The following LRRC37A2 variants were observed in gnomAD, a reference collection of about 807,000 sequenced individuals.
The protein encoded by LRRC37A2 is leucine-rich repeat-containing protein 37A2.
LRRC37A2 carries 9 observed loss-of-function variants against 68.8 expected under a neutral mutation model. The ratio of observed to expected loss-of-function variants is 0.13; its 90% CI spans 0.08 to 0.23. LRRC37A2 has a LOEUF of 0.23. Among genes scored for constraint, LRRC37A2 ranks in the 10% least tolerant of loss-of-function variants. LRRC37A2 has a pLI of 1.00. For synonymous variants in LRRC37A2, 63 were observed against 367.6 expected, an observed-to-expected ratio of 0.17 and a Z score of 9.48; for missense variants, 168 against 950.4, an observed-to-expected ratio of 0.18 and a Z score of 10.82.
chr17:46,884,914 G>C, the LRRC37A2 span: 1 of 344,914 alleles, frequency 2.9e-6, no homozygotes. Context: ...AATATCTCCA[G>C]TGAAATTTGT....
the LRRC37A2 span, chr17:46,932,457 G>T: frequency 1.3e-5 from 8 of 599,494 alleles, no homozygotes; most frequent in Non-Finnish European, 2.1e-5. Context: ...ACCTGGTTGG[G>T]CTGGTCTGAG....
the LRRC37A2 span, among the ~76,000 whole-genome samples, chr17:46,854,261 T>A: frequency 1.5e-3 from 223 of 152,344 alleles, no homozygotes; most frequent in African/African-American, 5.2e-3. Flanking sequence ...ATTCGCTGTC[T>A]GGGAGGAATC....
the LRRC37A2 span, chr17:46,940,393 G>A: frequency 1.3e-6 from 2 of 1,553,760 alleles, no homozygotes; most frequent in Non-Finnish European, 1.7e-6. Flanking sequence ...GGACTGGGGG[G>A]TTGCAGCATC....
the LRRC37A2 span, chr17:46,872,668 A>G: frequency 6.2e-7 from 1 of 1,613,408 alleles, no homozygotes; most frequent in Non-Finnish European, 8.5e-7. Flanking sequence ...CCTGGCTGAG[A>G]CCCTGAGGGA....
the LRRC37A2 span, among the ~76,000 whole-genome samples, chr17:46,926,222 CA>C: frequency 1.1e-4 from 17 of 152,078 alleles, no homozygotes; most frequent in African/African-American, 3.6e-4. Flanking sequence ...AATGTAAAGG[CA>C]AAGTGAGTGA....
At chr17:46,976,587 T>G in the LRRC37A2 span, among the ~76,000 whole-genome samples, 1 of 152,192 alleles carries the variant, frequency 6.6e-6, no homozygotes, top group Admixed American at 6.5e-5. Context: ...ATTTAACTCT[T>G]GACTCGTTCT....
the LRRC37A2 span, among the ~76,000 whole-genome samples, chr17:46,489,517 C>G: frequency 6.8e-6 from 1 of 147,816 alleles, no homozygotes; most frequent in East Asian, 2.0e-4. Context: ...ATGGAGTCTC[C>G]CTCTGTCACC....
the LRRC37A2 span, among the ~76,000 whole-genome samples, chr17:46,860,679 A>G: frequency 2.0e-5 from 3 of 152,178 alleles, no homozygotes; most frequent in East Asian, 5.8e-4. Flanking sequence ...CCACGTTTAG[A>G]AGAGTCTTTG....
chr17:46,761,329 TG>T, the LRRC37A2 span, among the ~76,000 whole-genome samples: 1 of 151,226 alleles, frequency 6.6e-6, no homozygotes, highest in Non-Finnish European at 1.5e-5. Context: ...GGTTTTTTTT[TG>T]TTTGTTTTTT....
At chr17:46,837,726 C>A in the LRRC37A2 span, among the ~76,000 whole-genome samples, 1 of 152,176 alleles carries the variant, frequency 6.6e-6, no homozygotes, top group Non-Finnish European at 1.5e-5. Context: ...AGGGATGGCT[C>A]ATGGTCAGTG....
At chr17:46,816,778 C>A in the LRRC37A2 span, among the ~76,000 whole-genome samples, 340 of 152,262 alleles carry the variant, frequency 2.2e-3, no homozygotes, top group African/African-American at 7.8e-3. Context: ...ACCTATGGGC[C>A]GCCAAACCTT....
chr17:46,926,627 G>A, the LRRC37A2 span, among the ~76,000 whole-genome samples: 4 of 152,210 alleles, frequency 2.6e-5, no homozygotes, highest in African/African-American at 9.6e-5. Flanking sequence ...GACTTCCAGT[G>A]TGTTATGTTG....
At chr17:46,958,619 G>T in the LRRC37A2 span, among the ~76,000 whole-genome samples, 1 of 152,240 alleles carries the variant, frequency 6.6e-6, no homozygotes, top group Non-Finnish European at 1.5e-5. Context: ...AGTGGGATGT[G>T]CCAGCTCAGG....
At chr17:46,813,543 C>T in the LRRC37A2 span, among the ~76,000 whole-genome samples, 2 of 151,906 alleles carry the variant, frequency 1.3e-5, no homozygotes, top group Non-Finnish European at 2.9e-5. Flanking sequence ...TCTTGCCCTC[C>T]TTGGCAGCTG....
chr17:46,935,874 T>C, the LRRC37A2 span: 103 of 985,988 alleles, frequency 1.0e-4, 1 homozygote, highest in African/African-American at 1.5e-3. Context: ...TGATGGATAA[T>C]AGGGCGTGGG....
the LRRC37A2 span, among the ~76,000 whole-genome samples, chr17:46,895,164 C>T: frequency 1.3e-5 from 2 of 152,346 alleles, no homozygotes; most frequent in East Asian, 1.9e-4. Context: ...GCCATCAGTC[C>T]CCAGGCATCG....
the LRRC37A2 span, among the ~76,000 whole-genome samples, chr17:46,904,987 C>A: frequency 3.9e-5 from 6 of 152,168 alleles, no homozygotes; most frequent in Admixed American, 6.5e-5. Flanking sequence ...GCTGTGGGAT[C>A]TTTCAGCAGG....
At chr17:46,676,455 C>T in the LRRC37A2 span, among the ~76,000 whole-genome samples, 1 of 137,562 alleles carries the variant, frequency 7.3e-6, no homozygotes, top group Non-Finnish European at 1.5e-5. Flanking sequence ...TGGTCTCGAG[C>T]TCCCAGCCTC....
chr17:46,923,186 C>T, the LRRC37A2 span: 30 of 1,540,212 alleles, frequency 1.9e-5, no homozygotes, highest in Admixed American at 5.9e-5. Context: ...CCTGCGGGGC[C>T]GGCGACATGG....
Sources: allele counts gnomAD v4.1 joint callset (sites outside exome capture counted in the v4.1 genomes callset), GRCh38; gene constraint gnomAD v4.1.1; transcripts MANE v1.5; gene names NCBI Gene and HGNC (gene_info 2026-07-23, HGNC 2026-07-21).